BCR: variants seen among roughly 807,000 people sequenced by gnomAD.
The protein encoded by BCR is BCR activator of RhoGEF and GTPase.
In BCR, 58 loss-of-function variants were observed where a neutral mutation model predicts 138.6. The ratio of observed to expected loss-of-function variants is 0.42; its 90% CI spans 0.34 to 0.52. The LOEUF (loss-of-function observed/expected upper bound fraction) is 0.52, where lower values mean the gene tolerates loss of function less well. Ranked by LOEUF, BCR falls within the 20% of genes least tolerant of loss-of-function variation. BCR has a pLI of 0.06. For missense variants in BCR, 1,599 were observed against 1,727.2 expected (o/e 0.93, Z 1.32); for synonymous variants, 786 against 730.1 (o/e 1.08, Z -1.23).
intron 8 of BCR, among the ~76,000 whole-genome samples, chr22:23,277,717 G>A (rs2073595154): frequency 6.6e-6 from 1 of 152,184 alleles, no homozygotes; most frequent in African/African-American, 2.4e-5. Flanking sequence ...GCCCAGGTAT[G>A]AGCCCTCTGC....
At position 23,287,119 on chromosome 22, in the gene BCR, C is replaced by T. The variant is rs141317828; in HGVS notation, c.2407-40C>T. On this transcript the variant is annotated intron_variant, in intron 10 of 22. Transcript: ENST00000305877. ...TGGAATGGGAGTGGGTTGTGTGGAGCGCTGGAATGGGAAGGTGAGGCTGTG... is the reference window on the plus strand; with the variant it reads ...TGGAATGGGAGTGGGTTGTGTGGAGTGCTGGAATGGGAAGGTGAGGCTGTG... 3,517 of 1,563,116 alleles carry T rather than the reference C, an allele frequency of 2.2e-3. 16 individuals are homozygous for T. The highest frequency in any genetic ancestry group is 2.2e-3 in the Middle Eastern group (13 of 5,996).
intron 10 of BCR, among the ~76,000 whole-genome samples, chr22:23,285,538 C>G (rs376356752): frequency 6.6e-6 from 1 of 152,226 alleles, no homozygotes; most frequent in African/African-American, 2.4e-5. Flanking sequence ...GTTGTCTGAC[C>G]TGTGACCAGG....
chr22:23,301,266 A>T (rs775282191), intron 16 of BCR, among the ~76,000 whole-genome samples: 4 of 152,244 alleles, frequency 2.6e-5, no homozygotes, highest in Non-Finnish European at 4.4e-5. Context: ...GGGTCGTGCC[A>T]CTGCACTCCA....
rs994125041 is a variant in BCR at position 23,254,631 on chromosome 22, G to A, written c.1461+651G>A. The stretch of plus-strand genomic sequence containing the variant: ...CAGGCTGGATGGTGCTGGACCGCCC[G>A]GCCCTGCATGAAGTTCTGATTCCTC... On this transcript the variant is annotated intron_variant, in intron 2 of 22. Coordinates refer to ENST00000305877, the MANE Select transcript of BCR (RefSeq NM_004327.4). 4.8e-5 allele frequency: 25 copies of A among 517,410 alleles called. 1 individual carries two copies. Among genetic ancestry groups the A allele is most frequent in the Admixed American group, 2.7e-4 (14 of 51,472 alleles). 32.1% of individuals were successfully genotyped at this position (517,410 alleles called of 1,614,324 possible).
intron 16 of BCR, among the ~76,000 whole-genome samples, chr22:23,297,943 C>T (rs544027494): frequency 1.3e-5 from 2 of 152,202 alleles, no homozygotes; most frequent in Admixed American, 1.3e-4. Context: ...TTCTGTCAGT[C>T]TAGGGGTGCT....
chr22:23,194,740 A>T (rs1268418691), intron 1 of BCR, among the ~76,000 whole-genome samples: 3 of 151,848 alleles, frequency 2.0e-5, no homozygotes, highest in Non-Finnish European at 2.9e-5. Flanking sequence ...CAGGAATTTG[A>T]GATCAGCCTG....
intron 1 of BCR, among the ~76,000 whole-genome samples, chr22:23,185,336 G>C (rs2072325710): frequency 6.6e-6 from 1 of 152,164 alleles, no homozygotes; most frequent in African/African-American, 2.4e-5. Context: ...CGCCTGTGGG[G>C]GTAATGATAG....
At chr22:23,216,336 G>A (rs1169273645) in intron 1 of BCR, among the ~76,000 whole-genome samples, 1 of 152,120 alleles carries the variant, frequency 6.6e-6, no homozygotes, top group Non-Finnish European at 1.5e-5. Flanking sequence ...CCACCCTAGG[G>A]CATTTTCCTA....
chr22:23,288,154 C>T lies in BCR; in HGVS notation c.2584C>T (p.Arg862Trp), dbSNP rs763487854. Residue 862 changes from arginine to tryptophan, a missense_variant, in exon 12 of 23, where the codon CGG becomes TGG. Arg to Trp is a moderately radical substitution (Grantham distance 101). Coordinates refer to ENST00000305877, the MANE Select transcript of BCR (RefSeq NM_004327.4). ...YERAEWRENIREQQKKCFRSF... is the reference protein window; with the variant it reads ...YERAEWRENIWEQQKKCFRSF... The stretch of plus-strand genomic sequence containing the variant: ...GCGTGCAGAGTGGAGGGAGAACATC[C>T]GGGAGCAGCAGAAGAAGTGTGAGTA... 5.0e-6 allele frequency: 8 copies of T among 1,613,906 alleles called. No individual in the cohort carries two copies. The highest frequency in any genetic ancestry group is 1.1e-5 in the South Asian group (1 of 91,084).
chr22:23,263,279 C>T, intron 4 of BCR: 1 of 1,135,370 alleles, frequency 8.8e-7, no homozygotes. Flanking sequence ...CCCTCGGCCG[C>T]CTGGCCCAGG....
chr22:23,304,755 G>C (rs1188195821), intron 16 of BCR, among the ~76,000 whole-genome samples: 1 of 152,178 alleles, frequency 6.6e-6, no homozygotes, highest in Admixed American at 6.5e-5. Flanking sequence ...TAAGGGAGAA[G>C]GGTGTGTTCC....
At chr22:23,285,363 C>T (rs1344362369) in intron 10 of BCR, among the ~76,000 whole-genome samples, 162 bp downstream of exon 10, 1 of 152,202 alleles carries the variant, frequency 6.6e-6, no homozygotes, top group Non-Finnish European at 1.5e-5. Flanking sequence ...CATCTGGGCA[C>T]AACTAGGTGT....
At chr22:23,217,930 C>CCGTG (rs2072775760) in intron 1 of BCR, among the ~76,000 whole-genome samples, 1 of 152,160 alleles carries the variant, frequency 6.6e-6, no homozygotes, top group Admixed American at 6.5e-5. Flanking sequence ...GGTGGGAGAG[C>CCGTG]CGTGGCCCAG....
chr22:23,280,408 G>A (rs2073630265), intron 8 of BCR, among the ~76,000 whole-genome samples: 1 of 152,182 alleles, frequency 6.6e-6, no homozygotes, highest in Non-Finnish European at 1.5e-5. Flanking sequence ...TAGAAATCAG[G>A]GTTATGGTGC....
rs370557490 is a variant in BCR, at chr22:23,182,022, C to G, written c.1062C>G (p.Ser354=). ...DFSSGQSSRV[S]PSPTTYRMFR... is the part of the protein sequence containing the mutation. ...CCTCTGGCCAGTCCAGCCGCGTGTC[C>G]CCAAGCCCCACCACCTACCGCATGT... is the stretch of plus-strand genomic sequence containing the variant. The change falls in exon 1 of 23, where the codon TCC becomes TCG. Residue 354 remains serine (S), a synonymous_variant. Transcript: ENST00000305877. The G allele has an allele frequency of 1.5e-4, 248 of 1,612,970 alleles. 3 individuals are homozygous for G. In the South Asian group the frequency reaches 2.0e-3, roughly 13 times the overall value.
chr22:23,296,464 T>A (rs1285036022), intron 16 of BCR, among the ~76,000 whole-genome samples: 1 of 151,934 alleles, frequency 6.6e-6, no homozygotes, highest in East Asian at 1.9e-4. Flanking sequence ...TCTTTGCTGA[T>A]GGATCCCACA....
chr22:23,210,905 G>A (rs893452965), intron 1 of BCR, among the ~76,000 whole-genome samples: 1 of 152,154 alleles, frequency 6.6e-6, no homozygotes, highest in African/African-American at 2.4e-5. Context: ...TCTTTATTCA[G>A]ATGTAACATA....
At chr22:23,298,536 TC>T (rs2073869766) in intron 16 of BCR, among the ~76,000 whole-genome samples, 1 of 117,344 alleles carries the variant, frequency 8.5e-6, no homozygotes, top group Non-Finnish European at 1.7e-5. Flanking sequence ...CTTCCTTCCT[TC>T]CCTTCCTTCC....
chr22:23,195,249 C>T (rs371434126), intron 1 of BCR, among the ~76,000 whole-genome samples: 81 of 151,166 alleles, frequency 5.4e-4, no homozygotes, highest in African/African-American at 1.8e-3. Context: ...GGAGAAACCC[C>T]GTCTCTACTA....
Sources: gnomAD v4.1 joint callset for allele counts (sites outside exome capture counted in the v4.1 genomes callset) on GRCh38, gnomAD v4.1.1 for gene constraint, MANE v1.5 for transcripts, NCBI Gene and HGNC (gene_info 2026-07-23, HGNC 2026-07-21) for gene names.